PRDM11: variants seen among roughly 807,000 people sequenced by gnomAD.
PRDM11 encodes PR domain-containing protein 11.
A neutral mutation model predicts 97.8 loss-of-function variants in PRDM11; 20 were observed. The observed-to-expected ratio is 0.20, with a 90% CI of 0.14 to 0.30. PRDM11 has a LOEUF of 0.30. PRDM11 is among the 10% of genes least tolerant of loss of function. The probability of loss-of-function intolerance (pLI) is 1.00; values close to 1 mark genes in which losing one functional copy is unlikely to be tolerated. For synonymous variants in PRDM11, 599 were observed against 637.7 expected (o/e 0.94, Z 0.91); for missense variants, 1,139 against 1,555.2 (o/e 0.73, Z 4.50).
In PRDM11 at chr11:45,224,675, G is replaced by C; in HGVS notation, c.1201G>C (p.Asp401His). 1.2e-6 allele frequency: 2 copies of C among 1,614,188 alleles called. No homozygotes were observed. Among genetic ancestry groups the C allele is most frequent in the East Asian group, 4.5e-5 (2 of 44,864 alleles). The change falls in exon 7 of 8, where the codon GAC becomes CAC. Residue 401 changes from aspartate (D) to histidine (H), a missense_variant. Asp to His is a moderately conservative substitution (Grantham distance 81, BLOSUM62 -1). Transcript: ENST00000683152. The stretch of plus-strand genomic sequence containing the variant: ...TCCTGCCGAGGCCTCCCTTGCATCT[G>C]ACCCTCATGAACTTCCCACCACCTC... ...DSPAEASLAS[D>H]PHELPTTSFC...
At position 45,233,410 on chromosome 11, in the gene PRDM11, A is replaced by T. The variant is rs1281870910; in HGVS notation, c.*5251A>T. 1.3e-5 allele frequency: 2 copies of T among 150,176 alleles called. No individual in the cohort carries two copies. The highest frequency in any genetic ancestry group is 3.9e-4 in the East Asian group (2 of 5,082). The allele number at this position is 150,176 out of a possible 1,614,324, so 9.3% of individuals were successfully genotyped here. A position where few individuals can be genotyped will look rare whatever the true frequency, so the allele number is the denominator to read the frequency against. On this transcript the variant is annotated 3_prime_UTR_variant, in exon 8 of 8. Transcript: ENST00000683152. ...CTGAGCTCCAGCTGAGGTGCCCCCT[A>T]CCTCTCCCCACCCCCACAGCCCACG...
chr11:45,156,295 G>A (rs887355204), intron 1 of PRDM11, among the ~76,000 whole-genome samples: 1 of 152,222 alleles, frequency 6.6e-6, no homozygotes, highest in South Asian at 2.1e-4. Flanking sequence ...CATAAGGACC[G>A]GCCATGTTAC....
intron 1 of PRDM11, among the ~76,000 whole-genome samples, chr11:45,151,639 G>A (rs1851662412): frequency 2.0e-5 from 3 of 152,242 alleles, no homozygotes; most frequent in Admixed American, 6.5e-5. Context: ...TGGGAGATAG[G>A]CAAATAACCA....
At chr11:45,157,316 C>T (rs921394859) in intron 1 of PRDM11, among the ~76,000 whole-genome samples, 2 of 152,130 alleles carry the variant, frequency 1.3e-5, no homozygotes, top group African/African-American at 4.8e-5. Flanking sequence ...GGCATTCGTT[C>T]AATTCTCAAA....
At chr11:45,095,673 G>A (rs1851879103), upstream of PRDM11, 1 of 630,876 alleles carries the variant, frequency 1.6e-6, no homozygotes, top group Non-Finnish European at 2.9e-6. Flanking sequence ...TGCAACCCCT[G>A]GGACATGTCC....
chr11:45,133,849 G>C (rs1015863943), intron 1 of PRDM11, among the ~76,000 whole-genome samples: 1 of 152,196 alleles, frequency 6.6e-6, no homozygotes, highest in Admixed American at 6.5e-5. Context: ...GGTCTCATTT[G>C]ATGCAGAGAG....
At chr11:45,140,414 C>G (rs748993661) in intron 1 of PRDM11, among the ~76,000 whole-genome samples, 1 of 152,260 alleles carries the variant, frequency 6.6e-6, no homozygotes, top group Non-Finnish European at 1.5e-5. Flanking sequence ...TCTATTCTTT[C>G]ACGACAGTGC....
upstream of PRDM11, among the ~76,000 whole-genome samples, chr11:45,095,549 G>A (rs1025610081): frequency 6.6e-6 from 1 of 152,138 alleles, no homozygotes. Context: ...CCTGATGAAC[G>A]CACCCCTAAT....
At chr11:45,213,532 C>T (rs546463132) in intron 5 of PRDM11, 6 of 456,468 alleles carry the variant, frequency 1.3e-5, no homozygotes, top group African/African-American at 4.0e-5. Context: ...GGGTGGTGCC[C>T]GCCTTGGCCC....
In PRDM11 at chr11:45,231,174, G is replaced by A. The variant is rs1854392560; in HGVS notation, c.*3015G>A. The A allele has an allele frequency of 6.6e-6, 1 of 152,170 alleles. No individual in the cohort carries two copies. The highest frequency in any genetic ancestry group is 2.4e-5 in the African/African-American group (1 of 41,430). 9.4% of individuals were successfully genotyped at this position (152,170 alleles called of 1,614,324 possible). A position where few individuals can be genotyped will look rare whatever the true frequency, so the allele number is the denominator to read the frequency against. On this transcript the variant is annotated 3_prime_UTR_variant, in exon 8 of 8. Transcript: ENST00000683152. The stretch of plus-strand genomic sequence containing the variant: ...CTGCCATGGGACAGGGAATAATTTG[G>A]GTGATACACCACTGCAATTTACACG...
At chr11:45,152,906 A>G (rs7109285) in intron 1 of PRDM11, among the ~76,000 whole-genome samples, 3,668 of 152,308 alleles carry the variant, frequency 0.024, 132 homozygotes, top group African/African-American at 0.079. Context: ...GTTGGGCCAC[A>G]GGGAGCCTCA....
chr11:45,219,818 G>C lies in PRDM11; in HGVS notation c.742+61G>C, dbSNP rs572786713. The stretch of plus-strand genomic sequence containing the variant: ...CTGAGCCCCAGGGGAGGCCTGGATA[G>C]CTTGTTTTGGAGCTTCCTGAGAAAT... On this transcript the variant is annotated intron_variant, in intron 6 of 7. Coordinates refer to ENST00000683152, the MANE Select transcript of PRDM11 (RefSeq NM_001384648.1). The surrounding 1 kb of genome is among the most constrained non-coding windows in gnomAD (Gnocchi z 4.2). 1 of 1,517,128 alleles carries C rather than the reference G, an allele frequency of 6.6e-7. No individual in the cohort carries two copies. The highest frequency in any genetic ancestry group is 8.9e-7 in the Non-Finnish European group (1 of 1,126,922). 94.0% of individuals were successfully genotyped at this position (1,517,128 alleles called of 1,614,324 possible).
chr11:45,213,486 G>A (rs758076803), intron 5 of PRDM11: 13 of 456,142 alleles, frequency 2.8e-5, no homozygotes, highest in Non-Finnish European at 4.0e-5. Flanking sequence ...AGGTCAAGTC[G>A]GTCCTTCAGG....
intron 1 of PRDM11, among the ~76,000 whole-genome samples, chr11:45,135,558 TACTC>T (rs1462152289): frequency 5.3e-5 from 8 of 152,286 alleles, no homozygotes; most frequent in South Asian, 2.1e-4. Context: ...AAAAAGATCT[TACTC>T]ACAATAGCAG....
chr11:45,190,837 A>T (rs966723483), intron 4 of PRDM11, among the ~76,000 whole-genome samples: 1 of 152,194 alleles, frequency 6.6e-6, no homozygotes, highest in Non-Finnish European at 1.5e-5. Context: ...ATGCAACATG[A>T]TTCTTAGCTT....
chr11:45,216,902 T>G (rs1417681577), intron 5 of PRDM11, among the ~76,000 whole-genome samples: 1 of 152,248 alleles, frequency 6.6e-6, no homozygotes, highest in Non-Finnish European at 1.5e-5. Flanking sequence ...ATTTCTCATC[T>G]AGCTTTTTCT....
chr11:45,127,789 G>A (rs1291785197), intron 1 of PRDM11, among the ~76,000 whole-genome samples: 1 of 152,252 alleles, frequency 6.6e-6, no homozygotes, highest in African/African-American at 2.4e-5. Flanking sequence ...CAGTTAGGCT[G>A]CTCAGGGGTC....
intron 4 of PRDM11, among the ~76,000 whole-genome samples, chr11:45,189,473 A>G (rs1852831341): frequency 6.6e-6 from 1 of 152,120 alleles, no homozygotes; most frequent in African/African-American, 2.4e-5. Flanking sequence ...TTCTGTCCAT[A>G]ATGTGAAAAG....
chr11:45,200,728 G>A (rs529636134), intron 4 of PRDM11, among the ~76,000 whole-genome samples: 3 of 152,296 alleles, frequency 2.0e-5, no homozygotes, highest in Admixed American at 6.5e-5. Context: ...TCCAGGGGAG[G>A]GTCCCTGCAG....
Sources: gnomAD v4.1 joint callset for allele counts (sites outside exome capture counted in the v4.1 genomes callset) on GRCh38, gnomAD v4.1.1 for gene constraint, Gnocchi (gnomAD v3.1) non-coding constraint, MANE v1.5 for transcripts, NCBI Gene and HGNC (gene_info 2026-07-23, HGNC 2026-07-21) for gene names.